MEGF10: variants seen among roughly 807,000 people sequenced by gnomAD.
MEGF10 encodes multiple epidermal growth factor-like domains protein 10.
MEGF10 carries 86 observed loss-of-function variants against 147.5 expected under a neutral mutation model. The ratio of observed to expected loss-of-function variants is 0.58; its 90% CI spans 0.49 to 0.70. The LOEUF (loss-of-function observed/expected upper bound fraction) is 0.70, where lower values mean the gene tolerates loss of function less well. Ranked by LOEUF, MEGF10 falls within the 30% of genes least tolerant of loss-of-function variation. MEGF10 has a pLI of 0.00. For missense variants in MEGF10, 1,329 were observed against 1,487.3 expected (o/e 0.89, Z 1.75); for synonymous variants, 478 against 525.5 (o/e 0.91, Z 1.24).
At chr5:127,371,677 C>T (rs1192214949) in intron 5 of MEGF10, among the ~76,000 whole-genome samples, 1 of 152,144 alleles carries the variant, frequency 6.6e-6, no homozygotes, top group South Asian at 2.1e-4. Context: ...GTAAGCAAAA[C>T]AAAAGCCTAC....
intron 16 of MEGF10, among the ~76,000 whole-genome samples, chr5:127,438,107 A>G (rs767263639): frequency 6.6e-6 from 1 of 152,178 alleles, no homozygotes; most frequent in Non-Finnish European, 1.5e-5. Flanking sequence ...ATACTCTGCT[A>G]TCTCCCTTGG....
chr5:127,319,521 A>G (rs374069127), intron 1 of MEGF10, among the ~76,000 whole-genome samples: 3 of 152,194 alleles, frequency 2.0e-5, no homozygotes, highest in Non-Finnish European at 4.4e-5. Flanking sequence ...TACTGCAGAG[A>G]AAAAAGAAGG....
rs377700636 is a variant in MEGF10, at chr5:127,315,817, A to G, written c.-18-15474A>G. Among the ~76,000 whole-genome samples, 10 of 152,262 alleles carry G rather than the reference A, an allele frequency of 6.6e-5. 1 individual carries two copies. Among genetic ancestry groups the G allele is most frequent in the Admixed American group, 4.6e-4 (7 of 15,284 alleles). Reference sequence around the variant, plus strand: ...AAAATAACCCTTTTTCTTTCTGTCTATATTTCAAGCATATATTTTGAATCA... The same window carrying G: ...AAAATAACCCTTTTTCTTTCTGTCTGTATTTCAAGCATATATTTTGAATCA... On this transcript the variant is annotated intron_variant, in intron 1 of 24. Coordinates refer to ENST00000503335, the MANE Select transcript of MEGF10 (RefSeq NM_001256545.2).
intron 1 of MEGF10, among the ~76,000 whole-genome samples, chr5:127,307,225 T>A (rs1760055340): frequency 6.6e-6 from 1 of 152,138 alleles, no homozygotes; most frequent in African/African-American, 2.4e-5. Flanking sequence ...GTTAGACACC[T>A]GAAAAAACTC....
intron 1 of MEGF10, among the ~76,000 whole-genome samples, chr5:127,295,667 G>T (rs1359870311): frequency 6.6e-6 from 1 of 152,150 alleles, no homozygotes; most frequent in African/African-American, 2.4e-5. Flanking sequence ...TCATTAGCTG[G>T]CATCTGAGTG....
chr5:127,338,306 G>A (rs1454514381), intron 2 of MEGF10, among the ~76,000 whole-genome samples: 1 of 152,052 alleles, frequency 6.6e-6, no homozygotes, highest in African/African-American at 2.4e-5. Flanking sequence ...TTTTCTTATA[G>A]GCAGACACTA....
At chr5:127,298,646 C>T (rs1241604965) in intron 1 of MEGF10, among the ~76,000 whole-genome samples, 1 of 152,088 alleles carries the variant, frequency 6.6e-6, no homozygotes, top group Non-Finnish European at 1.5e-5. Flanking sequence ...ACTTATAGTG[C>T]CCCATTCAAA....
rs141140098 is a variant in MEGF10 at position 127,368,348 on chromosome 5, C to T, written c.320-1562C>T. Among the ~76,000 whole-genome samples, 137 of 152,338 alleles carry T rather than the reference C, an allele frequency of 9.0e-4. 1 individual carries two copies. The highest frequency in any genetic ancestry group is 3.2e-3 in the African/African-American group (134 of 41,572). On this transcript the variant is annotated intron_variant, in intron 4 of 24. Transcript: ENST00000503335. ...CAAGGTCACCAGTCCTGGTATTCCTCACTAAATCGCCTAGGTGCTAAAGAG... is the reference window on the plus strand; with the variant it reads ...CAAGGTCACCAGTCCTGGTATTCCTTACTAAATCGCCTAGGTGCTAAAGAG...
At chr5:127,265,243 G>T in the MEGF10 span, among the ~76,000 whole-genome samples, 4 of 152,088 alleles carry the variant, frequency 2.6e-5, no homozygotes, top group African/African-American at 9.7e-5. Flanking sequence ...CAAAGGACAT[G>T]AACTTATCCT....
chr5:127,398,890 G>A (rs193038344), intron 7 of MEGF10, 94 bp downstream of exon 7: 17 of 1,531,310 alleles, frequency 1.1e-5, no homozygotes, highest in African/African-American at 1.4e-5. Context: ...TAGCACAAAG[G>A]AAAGTTACCA....
intron 5 of MEGF10, among the ~76,000 whole-genome samples, chr5:127,383,082 A>G (rs536074989): frequency 3.9e-5 from 6 of 152,248 alleles, no homozygotes; most frequent in Admixed American, 1.3e-4. Flanking sequence ...TAACCCAGCA[A>G]TTTTTATTTC....
chr5:127,332,669 A>G (rs887841694), intron 2 of MEGF10, among the ~76,000 whole-genome samples: 21 of 152,324 alleles, frequency 1.4e-4, no homozygotes, highest in Admixed American at 9.8e-4. Context: ...AAAGTTCTAT[A>G]TATTTGTGGT....
At chr5:127,344,043 A>G (rs982001057) in intron 4 of MEGF10, among the ~76,000 whole-genome samples, 1 of 152,208 alleles carries the variant, frequency 6.6e-6, no homozygotes, top group African/African-American at 2.4e-5. Flanking sequence ...CTACTTGTCC[A>G]TATAAAGGAA....
Position 127,438,359 on chromosome 5 carries a change from T to C in MEGF10, c.2105-80T>C, listed in dbSNP as rs115371829. ...TGCTAACCTCTCACATGCAGGGAGATGTGTAGAGGTGGATGGAATTCTCCC... is the reference window on the plus strand; with the variant it reads ...TGCTAACCTCTCACATGCAGGGAGACGTGTAGAGGTGGATGGAATTCTCCC... On this transcript the variant is annotated intron_variant, in intron 16 of 24. Transcript: ENST00000503335. 924 of 1,447,676 alleles carry C rather than the reference T, an allele frequency of 6.4e-4. 9 individuals carry two copies. In the African/African-American group the frequency reaches 0.011, roughly 18 times the overall value. The allele number at this position is 1,447,676 out of a possible 1,614,324, so 89.7% of individuals were successfully genotyped here.
chr5:127,364,356 T>A (rs1305296518), intron 4 of MEGF10, among the ~76,000 whole-genome samples: 1 of 152,214 alleles, frequency 6.6e-6, no homozygotes, highest in Non-Finnish European at 1.5e-5. Context: ...TCAAATAAAT[T>A]GAGTCATTCA....
rs1277842089 is a variant in MEGF10, at chr5:127,410,485, AT to A, written c.1015del (p.Cys339AlafsTer86). 1 of 1,614,066 alleles carries A rather than the reference AT, an allele frequency of 6.2e-7. No homozygotes were observed. Among genetic ancestry groups the A allele is most frequent in the African/African-American group, 1.3e-5 (1 of 74,950 alleles). The part of the protein sequence containing the change: ...GGKCYHVSGA[C>X]LCEAGFAGER... ...GGAAGTGTTACCACGTGAGCGGCGC[AT>A]GCCTCTGTGAAGCAGGCTTTGCTGG... On this transcript the variant is annotated frameshift_variant, in exon 9 of 25. Transcript: ENST00000503335. LOFTEE classifies it high-confidence loss of function.
chr5:127,404,015 C>T (rs1388230859), intron 8 of MEGF10, among the ~76,000 whole-genome samples: 1 of 152,118 alleles, frequency 6.6e-6, no homozygotes, highest in Non-Finnish European at 1.5e-5. Flanking sequence ...GAGGAACCTC[C>T]AAACTGTTCT....
chr5:127,284,705 C>G, the MEGF10 span, among the ~76,000 whole-genome samples: 1 of 151,606 alleles, frequency 6.6e-6, no homozygotes, highest in Non-Finnish European at 1.5e-5. Flanking sequence ...AACCTTCTGC[C>G]ATACTTATGA....
At position 127,422,704 on chromosome 5, in the gene MEGF10, G is replaced by T. The variant is rs1162411460; in HGVS notation, c.1625G>T (p.Cys542Phe). 1 of 1,614,072 alleles carries T rather than the reference G, an allele frequency of 6.2e-7. No homozygotes were observed. The highest frequency in any genetic ancestry group is 8.5e-7 in the Non-Finnish European group (1 of 1,180,016). Residue 542 changes from cysteine (C) to phenylalanine (F), a missense_variant, in exon 13 of 25, where the codon TGC becomes TTC. By Grantham distance (205) the Cys-to-Phe change is radical. This residue lies in a region of MEGF10 where 980 missense variants were observed against 1,085.9 expected (regional missense o/e 0.90). Transcript: ENST00000503335. ...GTYGLNCAER[C>F]DCSHADGCHP... ...TACGGGCTGAACTGTGCTGAGCGCT[G>T]CGACTGCAGCCACGCAGATGGCTGC...
Sources: allele counts gnomAD v4.1 joint callset (sites outside exome capture counted in the v4.1 genomes callset), GRCh38; gene constraint gnomAD v4.1.1; regional missense constraint gnomAD v4.1.1; transcripts MANE v1.5; gene names NCBI Gene and HGNC (gene_info 2026-07-23, HGNC 2026-07-21).